Variants in PTPRM observed in about 807,000 individuals in gnomAD.
The protein encoded by PTPRM is protein tyrosine phosphatase receptor type M.
In PTPRM, 47 loss-of-function variants were observed where a neutral mutation model predicts 186.7. That is an observed-to-expected ratio of 0.25 (90% CI 0.20 to 0.32). The LOEUF is 0.32. Among genes scored for constraint, PTPRM ranks in the 10% least tolerant of loss-of-function variants. PTPRM has a pLI of 1.00. For missense variants in PTPRM, 1,494 were observed against 1,865.0 expected, an observed-to-expected ratio of 0.80 and a Z score of 3.66; for synonymous variants, 668 against 674.9, an observed-to-expected ratio of 0.99 and a Z score of 0.16.
At chr18:8,335,380 C>T (rs1436005318) in intron 22 of PTPRM, among the ~76,000 whole-genome samples, 1 of 152,208 alleles carries the variant, frequency 6.6e-6, no homozygotes, top group Non-Finnish European at 1.5e-5. Context: ...CAGGCATCCT[C>T]ATACATCAGT....
chr18:8,156,153 T>C, intron 14 of PTPRM, among the ~76,000 whole-genome samples: 1 of 152,206 alleles, frequency 6.6e-6, no homozygotes, highest in East Asian at 1.9e-4. Context: ...AATTGACTTT[T>C]GTAAAGGCCT....
intron 7 of PTPRM, among the ~76,000 whole-genome samples, chr18:7,957,769 T>A (rs2053410871): frequency 6.6e-6 from 1 of 152,334 alleles, no homozygotes. Context: ...TCACTGATTA[T>A]GATCAGTGTG....
At chr18:8,113,841 G>T in intron 12 of PTPRM, 82 bp downstream of exon 12, 2 of 1,309,016 alleles carry the variant, frequency 1.5e-6, no homozygotes, top group East Asian at 2.4e-5. Flanking sequence ...GTAGTAAAAT[G>T]GAAGTCATGC....
At chr18:7,654,593 C>T (rs1407446297) in intron 1 of PTPRM, among the ~76,000 whole-genome samples, 3 of 152,166 alleles carry the variant, frequency 2.0e-5, no homozygotes, top group Non-Finnish European at 1.5e-5. Context: ...TTGAGTTTTA[C>T]GTTTAAAGTC....
In PTPRM at chr18:7,774,244, C is replaced by T. The variant is rs764360545; in HGVS notation, c.169C>T (p.Pro57Ser). 20 of 1,613,906 alleles carry T rather than the reference C, an allele frequency of 1.2e-5. No homozygotes were observed. In the South Asian group the frequency reaches 2.2e-4, roughly 18 times the overall value. ...NWEQVNTLTK[P>S]TSDPWMPSGS... ...GGAGCAAGTGAACACCTTGACTAAACCGACTTCTGATCCATGGATGCCATC... is the reference window on the plus strand; with the variant it reads ...GGAGCAAGTGAACACCTTGACTAAATCGACTTCTGATCCATGGATGCCATC... Residue 57 changes from proline (P) to serine (S), a missense_variant, in exon 2 of 33, where the codon CCG (proline) becomes TCG (serine). By Grantham distance (74) the Pro-to-Ser change is moderately conservative (BLOSUM62 -1). Around this residue, in one of 3 missense-constraint regions of PTPRM, gnomAD observed 296 missense variants for 345.5 expected, o/e 0.86. Transcript: ENST00000580170.
chr18:7,869,899 A>G (rs2047901998), intron 2 of PTPRM, among the ~76,000 whole-genome samples: 1 of 152,210 alleles, frequency 6.6e-6, no homozygotes, highest in Non-Finnish European at 1.5e-5. Flanking sequence ...CATCAGGAGT[A>G]TCCTCAAGGC....
chr18:8,147,755 C>T (rs190802436), intron 14 of PTPRM, among the ~76,000 whole-genome samples: 2 of 152,214 alleles, frequency 1.3e-5, no homozygotes, highest in East Asian at 3.9e-4. Context: ...CAACTTTTGC[C>T]CATTCACTAT....
rs553769119 is a variant in PTPRM at position 8,144,447 on chromosome 18, C to G, written c.2300+668C>G. Among the ~76,000 whole-genome samples the G allele has an allele frequency of 2.0e-5, 3 of 152,256 alleles. No homozygotes were observed. The East Asian group carries it at 5.8e-4, about 29-fold the overall frequency. On this transcript the variant is annotated intron_variant, in intron 14 of 32. Transcript: ENST00000580170. ...GACCAGCCTGGGCAACATGACAAAACCCTGTCTCTACAATAAATACAAAAA... is the reference window on the plus strand; with the variant it reads ...GACCAGCCTGGGCAACATGACAAAAGCCTGTCTCTACAATAAATACAAAAA...
At chr18:7,907,522 A>G (rs779056741) in intron 4 of PTPRM, among the ~76,000 whole-genome samples, 1 of 152,204 alleles carries the variant, frequency 6.6e-6, no homozygotes, top group East Asian at 1.9e-4. Flanking sequence ...CCCTTGGAAG[A>G]TGACCCTTGC....
At chr18:7,936,941 T>C (rs2146917770) in intron 5 of PTPRM, among the ~76,000 whole-genome samples, 1 of 152,098 alleles carries the variant, frequency 6.6e-6, no homozygotes, top group Non-Finnish European at 1.5e-5. Flanking sequence ...CCTGCCTGCA[T>C]ACAGGAGCTA....
intron 14 of PTPRM, among the ~76,000 whole-genome samples, chr18:8,166,299 A>T (rs1314204939): frequency 6.6e-6 from 1 of 152,158 alleles, no homozygotes; most frequent in Admixed American, 6.5e-5. Context: ...TTCTCCCTGC[A>T]ACCCGCTTTC....
chr18:7,730,649 T>C (rs1407708998), intron 1 of PTPRM, among the ~76,000 whole-genome samples: 1 of 152,180 alleles, frequency 6.6e-6, no homozygotes, highest in Non-Finnish European at 1.5e-5. Flanking sequence ...AAACATGAAG[T>C]ATGAAATTTC....
chr18:7,577,431 T>C (rs2036717393), intron 1 of PTPRM, among the ~76,000 whole-genome samples: 1 of 152,168 alleles, frequency 6.6e-6, no homozygotes. Flanking sequence ...GGAACCATGG[T>C]ATCACCAGAA....
At chr18:7,834,622 A>G (rs979086557) in intron 2 of PTPRM, among the ~76,000 whole-genome samples, 2 of 150,978 alleles carry the variant, frequency 1.3e-5, no homozygotes, top group South Asian at 4.2e-4. Flanking sequence ...CTGACCTGAA[A>G]GAATGAGTTT....
intron 14 of PTPRM, among the ~76,000 whole-genome samples, chr18:8,191,110 G>A (rs1210199405): frequency 6.6e-6 from 1 of 152,144 alleles, no homozygotes; most frequent in Non-Finnish European, 1.5e-5. Flanking sequence ...AGTAGGAAAG[G>A]GAACCTTAAG....
At chr18:8,070,990 A>G (rs890930590) in intron 8 of PTPRM, among the ~76,000 whole-genome samples, 2 of 152,208 alleles carry the variant, frequency 1.3e-5, no homozygotes, top group African/African-American at 4.8e-5. Flanking sequence ...GTTTCTACCT[A>G]CCCAGCACCT....
chr18:7,844,341 C>G (rs1274290636), intron 2 of PTPRM, among the ~76,000 whole-genome samples: 33 of 152,178 alleles, frequency 2.2e-4, no homozygotes, highest in Admixed American at 2.2e-3. Context: ...GATGTCAGAT[C>G]AAAGTCTAGG....
chr18:7,627,818 A>T (rs2144043281), intron 1 of PTPRM, among the ~76,000 whole-genome samples: 1 of 152,286 alleles, frequency 6.6e-6, no homozygotes, highest in Middle Eastern at 3.4e-3. Context: ...AAGGACAGCA[A>T]GGAAATCAAC....
Position 8,100,289 on chromosome 18 carries a change from C to T in PTPRM, c.1856+11438C>T, listed in dbSNP as rs2091233655. Among the ~76,000 whole-genome samples the T allele has an allele frequency of 2.6e-5, 4 of 152,120 alleles. No homozygotes were observed. The South Asian group carries it at 8.3e-4, about 32-fold the overall frequency. On this transcript the variant is annotated intron_variant, in intron 11 of 32. Transcript: ENST00000580170. ...CCTGAGTATCTGGGATTATAGGCGC[C>T]TACCACCATGCCTGGCTAATTTTGT... is the stretch of plus-strand genomic sequence containing the variant.
Sources: allele counts gnomAD v4.1 joint callset (sites outside exome capture counted in the v4.1 genomes callset), GRCh38; gene constraint gnomAD v4.1.1; regional missense constraint gnomAD v4.1.1; transcripts MANE v1.5; gene names NCBI Gene and HGNC (gene_info 2026-07-23, HGNC 2026-07-21).